The following SLC28A1 variants were observed in gnomAD, a reference collection of about 807,000 sequenced individuals.
The protein encoded by SLC28A1 is solute carrier family 28 member 1.
Under a neutral mutation model 74.8 loss-of-function variants are expected in SLC28A1, and 64 were observed. The ratio of observed to expected loss-of-function variants is 0.86; its 90% CI spans 0.70 to 1.05. The LOEUF is 1.05. SLC28A1 is among the 50% of genes least tolerant of loss of function. The pLI, the probability that SLC28A1 is intolerant of heterozygous loss-of-function variation, is 0.00. For synonymous variants in SLC28A1, 359 were observed against 335.0 expected (o/e 1.07, Z -0.78); for missense variants, 828 against 822.8 (o/e 1.01, Z -0.08).
At chr15:84,951,924 C>T in the SLC28A1 span, among the ~76,000 whole-genome samples, 1 of 152,182 alleles carries the variant, frequency 6.6e-6, no homozygotes, top group Non-Finnish European at 1.5e-5. Flanking sequence ...GGGAAAACAC[C>T]AGAGACAGAA....
At chr15:84,960,385 G>A in the SLC28A1 span, among the ~76,000 whole-genome samples, 93 of 151,784 alleles carry the variant, frequency 6.1e-4, no homozygotes, top group Non-Finnish European at 1.2e-3. Flanking sequence ...AGCCTCCCAA[G>A]TAACTTGGAT....
chr15:84,944,932 G>T (rs569055262), intron 18 of SLC28A1, 65 bp downstream of exon 18: 252 of 1,257,044 alleles, frequency 2.0e-4, no homozygotes, highest in Admixed American at 5.9e-4. Flanking sequence ...CTGAGCGCTG[G>T]GGGGGATGCC....
intron 15 of SLC28A1, among the ~76,000 whole-genome samples, chr15:84,942,636 A>C (rs1972844919): frequency 6.6e-6 from 1 of 152,168 alleles, no homozygotes; most frequent in South Asian, 2.1e-4. Context: ...CTGACTTCTC[A>C]AGCTGATCAT....
Position 84,922,452 on chromosome 15 carries a change from G to A in SLC28A1, c.957+1383G>A, listed in dbSNP as rs551161520. Among the ~76,000 whole-genome samples, 8 of 152,162 alleles carry A rather than the reference G, an allele frequency of 5.3e-5. No homozygotes were observed. The South Asian group carries it at 1.7e-3, about 32-fold the overall frequency. ...TGGAAGAGCTGCCCTGCCTTCCTCCGCTTCCCCCACTGCGGCATCCAATCT... is the reference window on the plus strand; with the variant it reads ...TGGAAGAGCTGCCCTGCCTTCCTCCACTTCCCCCACTGCGGCATCCAATCT... On this transcript the variant is annotated intron_variant, in intron 11 of 18. Coordinates refer to ENST00000394573, the MANE Select transcript of SLC28A1 (RefSeq NM_004213.5).
chr15:84,951,868 G>C, the SLC28A1 span, among the ~76,000 whole-genome samples: 1 of 152,264 alleles, frequency 6.6e-6, no homozygotes, highest in Admixed American at 6.5e-5. Context: ...AGTGGAAAGA[G>C]AGCCAGATGG....
At chr15:84,924,333 G>A (rs550042860) in intron 12 of SLC28A1, among the ~76,000 whole-genome samples, 2 of 151,958 alleles carry the variant, frequency 1.3e-5, no homozygotes, top group Non-Finnish European at 2.9e-5. Flanking sequence ...CATTTACTGA[G>A]TGCATGCTAG....
chr15:84,965,900 G>A, the SLC28A1 span, among the ~76,000 whole-genome samples: 1 of 149,714 alleles, frequency 6.7e-6, no homozygotes, highest in Non-Finnish European at 1.5e-5. Context: ...GAGGGAGGCG[G>A]GGAGGGGGGG....
intron 4 of SLC28A1, among the ~76,000 whole-genome samples, chr15:84,889,184 C>T (rs762076370): frequency 1.3e-5 from 2 of 152,148 alleles, no homozygotes; most frequent in Non-Finnish European, 2.9e-5. Flanking sequence ...CTCTGGGGTA[C>T]CTCGGGGAGT....
intron 10 of SLC28A1, among the ~76,000 whole-genome samples, chr15:84,919,026 T>A (rs982283839): frequency 6.6e-6 from 1 of 152,150 alleles, no homozygotes; most frequent in Non-Finnish European, 1.5e-5. Context: ...CCAAATGTCC[T>A]TTCCCAGGGT....
intron 15 of SLC28A1, among the ~76,000 whole-genome samples, chr15:84,938,780 C>T (rs866499051): frequency 1.2e-4 from 18 of 152,168 alleles, no homozygotes; most frequent in Middle Eastern, 3.4e-3. Context: ...CAGGGTCTTC[C>T]TTGGCTGGAC....
intron 12 of SLC28A1, among the ~76,000 whole-genome samples, chr15:84,927,924 C>T (rs1310538378): frequency 6.6e-6 from 1 of 151,804 alleles, no homozygotes; most frequent in African/African-American, 2.4e-5. Context: ...AGGGGGATGC[C>T]ATAATATTTT....
At chr15:84,933,924 T>G (rs1312670018) in intron 13 of SLC28A1, among the ~76,000 whole-genome samples, 1 of 152,108 alleles carries the variant, frequency 6.6e-6, no homozygotes, top group Non-Finnish European at 1.5e-5. Context: ...GCAGTAAGCC[T>G]AGATCGCACC....
At chr15:84,915,742 T>A (rs1443538970) in intron 9 of SLC28A1, among the ~76,000 whole-genome samples, 1 of 152,108 alleles carries the variant, frequency 6.6e-6, no homozygotes, top group African/African-American at 2.4e-5. Context: ...AAGCTGCCCC[T>A]CGGTTTCCAT....
chr15:84,914,362 T>G (rs1968776657), intron 9 of SLC28A1, among the ~76,000 whole-genome samples: 1 of 152,164 alleles, frequency 6.6e-6, no homozygotes, highest in South Asian at 2.1e-4. Context: ...TATATGAATT[T>G]AGGGGGACAC....
rs3803390 is a variant in SLC28A1, at chr15:84,924,044, C to T, written c.1017C>T (p.His339=). The change falls in exon 12 of 19, where the codon CAC becomes CAT. Residue 339 remains histidine, a synonymous_variant. Transcript: ENST00000394573. The part of the protein sequence containing the change: ...YLADMTLSEV[H]VVMTGGYATI... The stretch of plus-strand genomic sequence containing the variant: ...CAGACATGACACTCTCTGAAGTCCA[C>T]GTTGTCATGACCGGAGGTTACGCCA... 0.06 allele frequency: 96,246 copies of T among 1,613,810 alleles called. 8,922 individuals are homozygous for T. Among genetic ancestry groups the T allele is most frequent in the East Asian group, 0.5 (22,187 of 44,788 alleles).
intron 15 of SLC28A1, among the ~76,000 whole-genome samples, chr15:84,935,929 G>A (rs1256978432): frequency 7.2e-6 from 1 of 139,328 alleles, no homozygotes; most frequent in Non-Finnish European, 1.5e-5. Flanking sequence ...CACCCTCACT[G>A]TTTTGTTTTG....
intron 6 of SLC28A1, among the ~76,000 whole-genome samples, chr15:84,896,645 C>G (rs1054658931): frequency 9.2e-5 from 14 of 152,122 alleles, no homozygotes. Flanking sequence ...AACCCTGTCT[C>G]TACTAAAAAT....
At chr15:84,920,088 G>T (rs1212554431) in intron 10 of SLC28A1, among the ~76,000 whole-genome samples, 1 of 152,158 alleles carries the variant, frequency 6.6e-6, no homozygotes, top group East Asian at 1.9e-4. Context: ...TAGGCAAAGG[G>T]CAACCTGAGA....
At chr15:84,970,752 C>T in the SLC28A1 span, among the ~76,000 whole-genome samples, 1 of 152,096 alleles carries the variant, frequency 6.6e-6, no homozygotes, top group African/African-American at 2.4e-5. Context: ...AATCCCAACA[C>T]TTTGGGAGGC....
Sources: allele counts gnomAD v4.1 joint callset (sites outside exome capture counted in the v4.1 genomes callset), GRCh38; gene constraint gnomAD v4.1.1; transcripts MANE v1.5; gene names NCBI Gene and HGNC (gene_info 2026-07-23, HGNC 2026-07-21).